Variants in MRM1 observed in about 807,000 individuals in gnomAD.
MRM1 encodes mitochondrial rRNA methyltransferase 1.
Under a neutral mutation model 25.0 loss-of-function variants are expected in MRM1, and 24 were observed. The observed-to-expected ratio is 0.96, with a 90% confidence interval of 0.69 to 1.35. The LOEUF is 1.35. Ranked by LOEUF, MRM1 falls within the 40% of genes most tolerant of loss-of-function variation. The pLI is 0.00. For missense variants in MRM1, 431 were observed against 464.1 expected (o/e 0.93, Z 0.65); for synonymous variants, 188 against 199.2 (o/e 0.94, Z 0.47).
At chr17:36,606,271 GT>G (rs2074927133) in intron 2 of MRM1, among the ~76,000 whole-genome samples, 1 of 152,192 alleles carries the variant, frequency 6.6e-6, no homozygotes, top group Non-Finnish European at 1.5e-5. Flanking sequence ...GGTCTGTTTT[GT>G]TTTGTTCAGT....
At chr17:36,620,609 G>T in the MRM1 span, among the ~76,000 whole-genome samples, 2 of 152,136 alleles carry the variant, frequency 1.3e-5, no homozygotes, top group African/African-American at 4.8e-5. Flanking sequence ...TATTTCACAG[G>T]GGCTTCAGAC....
chr17:36,620,810 C>T, the MRM1 span, among the ~76,000 whole-genome samples: 1 of 152,168 alleles, frequency 6.6e-6, no homozygotes. Flanking sequence ...GTTGCCATCA[C>T]CCTGGAGCCT....
chr17:36,602,000 G>A lies in MRM1; in HGVS notation c.190G>A (p.Ala64Thr), dbSNP rs774019589. The A allele has an allele frequency of 1.2e-6, 2 of 1,607,816 alleles. No homozygotes were observed. The highest frequency in any genetic ancestry group is 1.7e-6 in the Non-Finnish European group (2 of 1,178,512). Residue 64 changes from alanine (A) to threonine (T), a missense_variant, in exon 1 of 5, where the codon GCC (alanine) becomes ACC (threonine). By Grantham distance (58) the Ala-to-Thr change is moderately conservative. Transcript: ENST00000614766. ...GACCCCGTGTCTCCTGGCTCTGCAGGCCGCCCGCCGCTCTGTGGCCCGGCT... is the reference window on the plus strand; with the variant it reads ...GACCCCGTGTCTCCTGGCTCTGCAGACCGCCCGCCGCTCTGTGGCCCGGCT... The part of the protein sequence containing the change: ...GMTPCLLALQ[A>T]ARRSVARLLL...
intron 4 of MRM1, 25 bp from the exon 5 acceptor site, chr17:36,608,218 T>G (rs1432787290): frequency 6.5e-7 from 1 of 1,543,102 alleles, no homozygotes. Context: ...CCGTCCTCTC[T>G]TCCCTTGTCC....
chr17:36,607,801 G>A lies in MRM1; in HGVS notation c.768G>A (p.Leu256=). The A allele has an allele frequency of 6.2e-7, 1 of 1,613,930 alleles. No homozygotes were observed. Among genetic ancestry groups the A allele is most frequent in the Non-Finnish European group, 8.5e-7 (1 of 1,179,940 alleles). ...FLWERPTLLV[L]GNEGSGLSQE... is the part of the protein sequence containing the mutation. ...GGGAACGGCCTACTCTCCTTGTGCT[G>A]GGTAGGTGGATGTCCCTGCGTTTGT... Residue 256 remains leucine, a splice_region_variant and synonymous_variant, in exon 3 of 5, where the codon CTG becomes CTA. Transcript: ENST00000614766.
downstream of MRM1, among the ~76,000 whole-genome samples, chr17:36,609,334 G>C (rs2074959709): frequency 6.6e-6 from 1 of 152,246 alleles, no homozygotes; most frequent in Non-Finnish European, 1.5e-5. Context: ...TGACACCAGA[G>C]AGTCTGACAT....
chr17:36,603,195 G>T, intron 2 of MRM1: 2 of 982,298 alleles, frequency 2.0e-6, no homozygotes, highest in South Asian at 9.4e-5. Flanking sequence ...CCCAACTGCA[G>T]GGTGAGAAAT....
In MRM1 at chr17:36,605,573, C is replaced by G. The variant is rs2074921670; in HGVS notation, c.637-2097C>G. ...TCAAATTCCCGCCCAAGTGTATACT[C>G]CAGCCTGGACCTTGGTTCTGAATTC... On this transcript the variant is annotated intron_variant, in intron 2 of 4. Coordinates refer to ENST00000614766, the MANE Select transcript of MRM1 (RefSeq NM_024864.5). 2.0e-5 allele frequency among the ~76,000 whole-genome samples: 3 copies of G among 151,136 alleles called. No individual in the cohort carries two copies. The Admixed American group carries it at 2.0e-4, about 10-fold the overall frequency.
At chr17:36,631,940 C>T in the MRM1 span, among the ~76,000 whole-genome samples, 1 of 152,206 alleles carries the variant, frequency 6.6e-6, no homozygotes, top group African/African-American at 2.4e-5. Flanking sequence ...CACCTCTCCA[C>T]AACTGACCCC....
At chr17:36,605,153 A>AAGAGAG (rs35548352) in intron 2 of MRM1, among the ~76,000 whole-genome samples, 4 of 145,158 alleles carry the variant, frequency 2.8e-5, no homozygotes, top group African/African-American at 5.2e-5. Context: ...AAAAAAAAAA[A>AAGAGAG]AGAGAGAGAG....
the MRM1 span, among the ~76,000 whole-genome samples, chr17:36,617,447 C>T: frequency 5.4e-5 from 8 of 146,948 alleles, no homozygotes; most frequent in African/African-American, 5.1e-5. Flanking sequence ...GGCTGGAGTG[C>T]GGTGTCCTGA....
chr17:36,633,415 C>T, the MRM1 span, among the ~76,000 whole-genome samples: 1 of 152,344 alleles, frequency 6.6e-6, no homozygotes, highest in African/African-American at 2.4e-5. Flanking sequence ...CTGCCAGAAA[C>T]ATTCCTGTAG....
the MRM1 span, among the ~76,000 whole-genome samples, chr17:36,619,415 C>T: frequency 2.0e-5 from 3 of 152,286 alleles, no homozygotes; most frequent in Admixed American, 6.5e-5. Context: ...TGCCTGTAAT[C>T]CTAGCACTTT....
At chr17:36,614,893 G>C in the MRM1 span, among the ~76,000 whole-genome samples, 461 of 152,316 alleles carry the variant, frequency 3.0e-3, 1 homozygote, top group Middle Eastern at 6.8e-3. Context: ...TAGCCCATTG[G>C]GGGTGGGTGG....
the MRM1 span, among the ~76,000 whole-genome samples, chr17:36,625,482 T>TTTTTTTTTA: frequency 6.8e-6 from 1 of 147,584 alleles, no homozygotes; most frequent in African/African-American, 2.5e-5. Flanking sequence ...TTTTTTTTTT[T>TTTTTTTTTA]GAGAAAGAGT....
the MRM1 span, among the ~76,000 whole-genome samples, chr17:36,633,789 G>A: frequency 1.3e-5 from 2 of 152,276 alleles, no homozygotes; most frequent in African/African-American, 4.8e-5. Flanking sequence ...TGGGCCGAAG[G>A]AGGAGATAAT....
At chr17:36,631,231 G>T in the MRM1 span, among the ~76,000 whole-genome samples, 1 of 152,192 alleles carries the variant, frequency 6.6e-6, no homozygotes, top group Non-Finnish European at 1.5e-5. Flanking sequence ...TCTGAGAAAT[G>T]GGTTCATGAC....
intron 2 of MRM1, among the ~76,000 whole-genome samples, chr17:36,606,305 C>T (rs1398093724): frequency 6.6e-6 from 1 of 152,204 alleles, no homozygotes; most frequent in East Asian, 1.9e-4. Context: ...GTGCCTAGAA[C>T]AGAGCCCATG....
At chr17:36,623,346 C>T in the MRM1 span, among the ~76,000 whole-genome samples, 1 of 152,142 alleles carries the variant, frequency 6.6e-6, no homozygotes, top group Non-Finnish European at 1.5e-5. Flanking sequence ...CGTGTGCAAA[C>T]AGTGACACTT....
Sources: gnomAD v4.1 joint callset for allele counts (sites outside exome capture counted in the v4.1 genomes callset) on GRCh38, gnomAD v4.1.1 for gene constraint, MANE v1.5 for transcripts, NCBI Gene and HGNC (gene_info 2026-07-23, HGNC 2026-07-21) for gene names.